The following KCNMA1 variants were observed in gnomAD, a reference collection of about 807,000 sequenced individuals.
KCNMA1 encodes the protein Calcium-activated potassium channel subunit alpha-1.
A neutral mutation model predicts 140.0 loss-of-function variants in KCNMA1; 29 were observed. That is an observed-to-expected ratio of 0.21 (90% confidence interval 0.15 to 0.28). The LOEUF (loss-of-function observed/expected upper bound fraction) is 0.28. KCNMA1 is among the 10% of genes least tolerant of loss of function. The pLI, the probability that KCNMA1 is intolerant of heterozygous loss-of-function variation, is 1.00. For synonymous variants in KCNMA1, 612 were observed against 611.9 expected (o/e 1.00, Z 0.00); for missense variants, 880 against 1,602.2 (o/e 0.55, Z 7.70).
At chr10:76,991,196 C>A (rs183780189) in intron 19 of KCNMA1, among the ~76,000 whole-genome samples, 138 of 152,284 alleles carry the variant, frequency 9.1e-4, no homozygotes, top group Non-Finnish European at 1.2e-3. Flanking sequence ...CCCTGACTCA[C>A]ACCAAAATAA....
At chr10:77,148,569 G>T (rs1409926838) in intron 5 of KCNMA1, among the ~76,000 whole-genome samples, 2 of 152,180 alleles carry the variant, frequency 1.3e-5, no homozygotes, top group Non-Finnish European at 2.9e-5. Flanking sequence ...CACCTCAGCT[G>T]TGTTTTATTC....
chr10:77,507,160 C>T (rs972483589), intron 1 of KCNMA1, among the ~76,000 whole-genome samples: 1 of 152,182 alleles, frequency 6.6e-6, no homozygotes, highest in Non-Finnish European at 1.5e-5. Flanking sequence ...AAATGCTTTG[C>T]AGCCTCTGAA....
At chr10:77,521,135 A>C (rs745402) in intron 1 of KCNMA1, among the ~76,000 whole-genome samples, 3,794 of 152,294 alleles carry the variant, frequency 0.025, 81 homozygotes, top group East Asian at 0.067. Flanking sequence ...AAGCAGGGAG[A>C]ACAGTGATTC....
intron 1 of KCNMA1, among the ~76,000 whole-genome samples, chr10:77,449,014 G>T (rs2154518907): frequency 1.3e-5 from 2 of 151,914 alleles, no homozygotes; most frequent in Middle Eastern, 3.4e-3. Context: ...TTGAATCCAG[G>T]AGGTGGAGGT....
At chr10:77,608,114 C>G (rs2085224326) in intron 1 of KCNMA1, among the ~76,000 whole-genome samples, 2 of 152,150 alleles carry the variant, frequency 1.3e-5, no homozygotes, top group African/African-American at 2.4e-5. Flanking sequence ...TTCAAAGACA[C>G]CATTCCTCTG....
chr10:76,883,755 A>G (rs2035641813), downstream of KCNMA1, among the ~76,000 whole-genome samples: 1 of 143,462 alleles, frequency 7.0e-6, no homozygotes, highest in South Asian at 2.3e-4. Flanking sequence ...GGAGGCAGTG[A>G]ACAGGAAGAG....
intron 25 of KCNMA1, among the ~76,000 whole-genome samples, chr10:76,896,672 A>C (rs1458571648): frequency 1.3e-5 from 2 of 152,136 alleles, no homozygotes; most frequent in African/African-American, 4.8e-5. Context: ...GAGTCTATTT[A>C]TATAAAATAT....
chr10:77,588,182 C>T (rs2077835270), intron 1 of KCNMA1, among the ~76,000 whole-genome samples: 1 of 152,152 alleles, frequency 6.6e-6, no homozygotes, highest in South Asian at 2.1e-4. Context: ...ACAGTCACTC[C>T]TGTTGGCCGA....
At chr10:77,010,997 T>A (rs2090586314) in intron 18 of KCNMA1, among the ~76,000 whole-genome samples, 1 of 152,018 alleles carries the variant, frequency 6.6e-6, no homozygotes, top group South Asian at 2.1e-4. Flanking sequence ...TCTCATCCTC[T>A]CAAACTTGGA....
At chr10:77,296,398 G>T (rs1003143243) in intron 2 of KCNMA1, among the ~76,000 whole-genome samples, 7 of 152,094 alleles carry the variant, frequency 4.6e-5, no homozygotes, top group Admixed American at 3.3e-4. Context: ...GATGATTTGG[G>T]ATTCTGACCC....
chr10:77,291,618 G>A (rs904097912), intron 2 of KCNMA1, among the ~76,000 whole-genome samples: 4 of 152,132 alleles, frequency 2.6e-5, no homozygotes, highest in Non-Finnish European at 4.4e-5. Flanking sequence ...TGCTCCAGTC[G>A]CCTTCCGTGG....
At chr10:77,344,095 G>A (rs1203912350) in intron 2 of KCNMA1, among the ~76,000 whole-genome samples, 1 of 152,200 alleles carries the variant, frequency 6.6e-6, no homozygotes, top group Admixed American at 6.5e-5. Context: ...CAGAAGTGAT[G>A]CACATCCCTT....
At position 77,558,139 on chromosome 10, in the gene KCNMA1, C is replaced by G. The variant is rs565161026; in HGVS notation, c.378+79126G>C. On this transcript the variant is annotated intron_variant, in intron 1 of 27. Transcript: ENST00000286628. ...AACAAACCTGTGACATTTCTTACCC[C>G]CTATGAATGGTTAAGGAAAAGACTC... is the stretch of plus-strand genomic sequence containing the variant. Among the ~76,000 whole-genome samples the G allele has an allele frequency of 1.7e-3, 256 of 152,210 alleles. 1 individual carries two copies. The highest frequency in any genetic ancestry group is 6.8e-3 in the Middle Eastern group (2 of 294).
At chr10:76,914,172 G>A in intron 24 of KCNMA1, 1 of 1,439,772 alleles carries the variant, frequency 6.9e-7, no homozygotes. Flanking sequence ...TTGGGGAAAG[G>A]GAGTGGAGGA....
At chr10:77,141,387 G>A (rs1049014520) in intron 5 of KCNMA1, among the ~76,000 whole-genome samples, 3 of 152,174 alleles carry the variant, frequency 2.0e-5, no homozygotes, top group African/African-American at 7.2e-5. Flanking sequence ...TTTAGGGAGT[G>A]ATTAGGTTTA....
intron 2 of KCNMA1, among the ~76,000 whole-genome samples, chr10:77,366,649 A>G (rs1245969035): frequency 1.3e-5 from 2 of 152,158 alleles, no homozygotes; most frequent in Admixed American, 1.3e-4. Flanking sequence ...GGTGAAGATG[A>G]TGGTGATACT....
intron 1 of KCNMA1, among the ~76,000 whole-genome samples, chr10:77,603,252 G>A (rs1036388137): frequency 6.6e-6 from 1 of 152,074 alleles, no homozygotes; most frequent in Non-Finnish European, 1.5e-5. Flanking sequence ...GCCAGCGTTC[G>A]CAGGACTTCC....
chr10:77,484,291 T>C (rs1468599931), intron 1 of KCNMA1, among the ~76,000 whole-genome samples: 1 of 152,156 alleles, frequency 6.6e-6, no homozygotes, highest in African/African-American at 2.4e-5. Flanking sequence ...CTACATCTTA[T>C]AGGCAAGGAA....
At chr10:77,572,888 G>A (rs1438391374) in intron 1 of KCNMA1, among the ~76,000 whole-genome samples, 2 of 151,856 alleles carry the variant, frequency 1.3e-5, no homozygotes, top group Non-Finnish European at 2.9e-5. Flanking sequence ...AATTATTAAG[G>A]TGAATCTCTG....
Sources: gnomAD v4.1 joint callset for allele counts (sites outside exome capture counted in the v4.1 genomes callset) on GRCh38, gnomAD v4.1.1 for gene constraint, MANE v1.5 for transcripts, NCBI Gene and HGNC (gene_info 2026-07-23, HGNC 2026-07-21) for gene names.